The following GSG1L variants were observed in gnomAD, a reference collection of about 807,000 sequenced individuals.
The protein encoded by GSG1L is GSG1 like.
A neutral mutation model predicts 42.1 loss-of-function variants in GSG1L; 24 were observed. The observed-to-expected ratio is 0.57, with a 90% confidence interval of 0.41 to 0.80. GSG1L has a LOEUF of 0.80. Ranked by LOEUF, GSG1L falls within the 30% of genes least tolerant of loss-of-function variation. GSG1L has a pLI of 0.00. For synonymous variants in GSG1L, 215 were observed against 203.5 expected (o/e 1.06, Z -0.48); for missense variants, 445 against 472.2 (o/e 0.94, Z 0.53).
At chr16:28,054,284 A>C (rs2086254964) in intron 1 of GSG1L, among the ~76,000 whole-genome samples, 1 of 151,904 alleles carries the variant, frequency 6.6e-6, no homozygotes, top group South Asian at 2.1e-4. Flanking sequence ...CCCAGTCCCC[A>C]CCATCGGGGA....
chr16:27,896,249 C>T (rs563359782), intron 2 of GSG1L, among the ~76,000 whole-genome samples: 2 of 152,176 alleles, frequency 1.3e-5, no homozygotes, highest in Non-Finnish European at 2.9e-5. Flanking sequence ...TGCTTGGGAA[C>T]CATGTGTCAA....
chr16:27,842,827 T>G (rs1353396051), intron 4 of GSG1L, among the ~76,000 whole-genome samples: 2 of 152,120 alleles, frequency 1.3e-5, no homozygotes, highest in Admixed American at 1.3e-4. Context: ...CCTGCTCCAT[T>G]CTGAGATGCT....
At chr16:27,965,955 T>C (rs1004865101) in intron 1 of GSG1L, among the ~76,000 whole-genome samples, 10 of 152,016 alleles carry the variant, frequency 6.6e-5, no homozygotes, top group African/African-American at 2.4e-4. Flanking sequence ...TGTCTCTCCA[T>C]CACCTCCCTG....
intron 5 of GSG1L, among the ~76,000 whole-genome samples, chr16:27,821,882 T>C: frequency 6.6e-6 from 1 of 150,816 alleles, no homozygotes; most frequent in South Asian, 2.1e-4. Context: ...CCAGCCTGGG[T>C]GACTGAGCGA....
At chr16:27,980,402 G>A (rs141807157) in intron 1 of GSG1L, among the ~76,000 whole-genome samples, 1,763 of 152,282 alleles carry the variant, frequency 0.012, 27 homozygotes, top group African/African-American at 0.039. Flanking sequence ...GGGGAGAGGC[G>A]GGGAAGGCAG....
intron 5 of GSG1L, among the ~76,000 whole-genome samples, chr16:27,811,727 C>T (rs557725259): frequency 2.0e-5 from 3 of 152,352 alleles, no homozygotes; most frequent in African/African-American, 7.2e-5. Context: ...TGGCTCACTG[C>T]AACTTCCACC....
At chr16:27,818,389 C>T (rs751667902) in intron 5 of GSG1L, among the ~76,000 whole-genome samples, 15 of 152,236 alleles carry the variant, frequency 9.9e-5, no homozygotes, top group East Asian at 5.8e-4. Flanking sequence ...TGCTGGCTGA[C>T]GATCCGATCA....
At chr16:27,886,697 C>T (rs1210624542) in intron 2 of GSG1L, among the ~76,000 whole-genome samples, 1 of 152,156 alleles carries the variant, frequency 6.6e-6, no homozygotes, top group African/African-American at 2.4e-5. Context: ...TGTGAGGGTA[C>T]ATATGATTTC....
intron 6 of GSG1L, among the ~76,000 whole-genome samples, chr16:27,805,863 C>A (rs1412538987): frequency 4.0e-5 from 6 of 151,878 alleles, no homozygotes; most frequent in African/African-American, 9.7e-5. Flanking sequence ...GCTTTTCGGG[C>A]CACAGTGCCT....
chr16:27,947,601 A>AAAGAAAGAAAG lies in GSG1L; in HGVS notation c.397+15554_397+15555insCTTTCTTTCTT, dbSNP rs1411167304. ...AGAAAGAAAGAAAGAAAGAAAGAAA[A>AAAGAAAGAAAG]AGAAAGAAAGAAAAAGAAAAGTTCT... On this transcript the variant is annotated intron_variant, in intron 2 of 6. Coordinates refer to ENST00000447459, the MANE Select transcript of GSG1L (RefSeq NM_001109763.2). 4.7e-4 allele frequency among the ~76,000 whole-genome samples: 60 copies of AAAGAAAGAAAG among 127,110 alleles called. 1 individual carries two copies. The highest frequency in any genetic ancestry group is 5.6e-4 in the African/African-American group (19 of 33,736). The allele number at this position is 127,110 out of a possible 152,430, so 83.4% of individuals were successfully genotyped here.
chr16:27,886,120 C>T (rs1351539394), intron 2 of GSG1L, among the ~76,000 whole-genome samples: 1 of 152,128 alleles, frequency 6.6e-6, no homozygotes, highest in African/African-American at 2.4e-5. Flanking sequence ...GTGAACTTCT[C>T]TATGCCTCAG....
chr16:28,058,780 G>A (rs2086307736), intron 1 of GSG1L, among the ~76,000 whole-genome samples: 1 of 152,112 alleles, frequency 6.6e-6, no homozygotes, highest in South Asian at 2.1e-4. Flanking sequence ...GACATCACAG[G>A]GGTCCTCATA....
At chr16:27,806,956 A>G (rs2082971180) in intron 6 of GSG1L, among the ~76,000 whole-genome samples, 1 of 152,230 alleles carries the variant, frequency 6.6e-6, no homozygotes, top group Admixed American at 6.5e-5. Flanking sequence ...AGGCTCAGCC[A>G]AGATCTGACC....
chr16:27,797,792 G>A (rs7195823), intron 6 of GSG1L, among the ~76,000 whole-genome samples: 88,250 of 143,582 alleles, frequency 0.61, 27,434 homozygotes, highest in Admixed American at 0.7. Flanking sequence ...ACTGCACCAC[G>A]GCCTGGGTGA....
At chr16:27,894,580 A>G (rs1034411131) in intron 2 of GSG1L, among the ~76,000 whole-genome samples, 7 of 152,192 alleles carry the variant, frequency 4.6e-5, no homozygotes, top group Non-Finnish European at 1.0e-4. Flanking sequence ...ATGTTGAATC[A>G]TGTAGATGAT....
chr16:28,011,332 G>A (rs2085715158), intron 1 of GSG1L, among the ~76,000 whole-genome samples: 1 of 152,206 alleles, frequency 6.6e-6, no homozygotes, highest in Admixed American at 6.5e-5. Flanking sequence ...CCCTGGGTTG[G>A]GGGCTGTGAG....
At chr16:27,991,643 G>A (rs2085458104) in intron 1 of GSG1L, among the ~76,000 whole-genome samples, 4 of 152,204 alleles carry the variant, frequency 2.6e-5, no homozygotes, top group Admixed American at 2.6e-4. Context: ...GACCTCAGGT[G>A]ATCCACCCGC....
chr16:27,956,180 A>G (rs1204652337), intron 2 of GSG1L, among the ~76,000 whole-genome samples: 3 of 152,236 alleles, frequency 2.0e-5, no homozygotes, highest in Non-Finnish European at 4.4e-5. Context: ...TAATAGTTAT[A>G]TATTTTTAAC....
intron 1 of GSG1L, among the ~76,000 whole-genome samples, chr16:28,060,222 C>T (rs1246909480): frequency 2.0e-5 from 3 of 151,580 alleles, no homozygotes; most frequent in Non-Finnish European, 2.9e-5. Flanking sequence ...TTTTCCTCTT[C>T]GAGTAAAAAA....
Sources: gnomAD v4.1 joint callset for allele counts (sites outside exome capture counted in the v4.1 genomes callset) on GRCh38, gnomAD v4.1.1 for gene constraint, MANE v1.5 for transcripts, NCBI Gene and HGNC (gene_info 2026-07-23, HGNC 2026-07-21) for gene names.